PTCSC3: variants seen among roughly 807,000 people sequenced by gnomAD.
PTCSC3 encodes the protein papillary thyroid carcinoma susceptibility candidate 3 (non-protein coding).
intron 3 of PTCSC3, among the ~76,000 whole-genome samples, chr14:36,146,863 G>T (rs1881586132): frequency 1.3e-5 from 2 of 152,106 alleles, no homozygotes; most frequent in Admixed American, 6.5e-5. Context: ...GCCTGGTGGT[G>T]ACAAAATCTC....
At chr14:36,151,395 C>T (rs1881720614) in intron 3 of PTCSC3, among the ~76,000 whole-genome samples, 1 of 151,908 alleles carries the variant, frequency 6.6e-6, no homozygotes, top group Admixed American at 6.6e-5. Context: ...ATTCTCTGAG[C>T]TTTCTCGATC....
At chr14:36,148,275 T>G (rs1240163296) in intron 3 of PTCSC3, among the ~76,000 whole-genome samples, 1 of 152,162 alleles carries the variant, frequency 6.6e-6, no homozygotes, top group Non-Finnish European at 1.5e-5. Context: ...GCTGCCGCCT[T>G]GCAGTTTGAT....
chr14:36,135,632 G>T (rs1356222637), downstream of PTCSC3, among the ~76,000 whole-genome samples: 1 of 152,150 alleles, frequency 6.6e-6, no homozygotes, highest in Non-Finnish European at 1.5e-5. Context: ...TGCTGTATGT[G>T]TCATAAGCTT....
chr14:36,175,335 G>A (rs1415040253), intron 1 of PTCSC3, among the ~76,000 whole-genome samples: 3 of 152,122 alleles, frequency 2.0e-5, no homozygotes, highest in Non-Finnish European at 4.4e-5. Flanking sequence ...GAAATCGGAT[G>A]CTTCACATAT....
chr14:36,152,661 G>A (rs912993246), intron 3 of PTCSC3, among the ~76,000 whole-genome samples: 1 of 152,134 alleles, frequency 6.6e-6, no homozygotes, highest in African/African-American at 2.4e-5. Context: ...GGGAGGTCGA[G>A]GCAGGCAGAT....
At chr14:36,165,116 C>T (rs1445427496) in intron 1 of PTCSC3, 1 of 152,056 alleles carries the variant, frequency 6.6e-6, no homozygotes, top group Non-Finnish European at 1.5e-5. Context: ...CTCCAGGATC[C>T]CATCATTCTC....
At chr14:36,146,583 T>C (rs1458352909) in intron 3 of PTCSC3, among the ~76,000 whole-genome samples, 1 of 152,232 alleles carries the variant, frequency 6.6e-6, no homozygotes, top group Admixed American at 6.5e-5. Flanking sequence ...GTTTCCTGAA[T>C]ACAGCACACT....
chr14:36,166,857 T>C (rs1383716497), intron 1 of PTCSC3, among the ~76,000 whole-genome samples: 1 of 152,244 alleles, frequency 6.6e-6, no homozygotes, highest in Non-Finnish European at 1.5e-5. Flanking sequence ...ACTCTAAATA[T>C]AGTTGGCCTG....
intron 3 of PTCSC3, among the ~76,000 whole-genome samples, chr14:36,150,887 T>C (rs1357440049): frequency 6.6e-6 from 1 of 152,198 alleles, no homozygotes; most frequent in Non-Finnish European, 1.5e-5. Context: ...GTTGATATTA[T>C]TTTGAACAAA....
At chr14:36,135,302 T>C (rs1881260985), downstream of PTCSC3, among the ~76,000 whole-genome samples, 1 of 152,188 alleles carries the variant, frequency 6.6e-6, no homozygotes, top group Non-Finnish European at 1.5e-5. Flanking sequence ...TGTGTTTTCA[T>C]GGTTAATTTA....
chr14:36,151,983 A>G (rs1187491118), intron 3 of PTCSC3, among the ~76,000 whole-genome samples: 1 of 152,204 alleles, frequency 6.6e-6, no homozygotes, highest in Non-Finnish European at 1.5e-5. Context: ...TGTGATTTGT[A>G]ACTGCAATGC....
chr14:36,142,807 CT>C (rs1881456848), intron 3 of PTCSC3, among the ~76,000 whole-genome samples: 1 of 117,262 alleles, frequency 8.5e-6, no homozygotes, highest in Non-Finnish European at 1.7e-5. Flanking sequence ...TCCCTCCCCC[CT>C]CCCCCCACCC....
Position 36,175,177 on chromosome 14 carries a change from A to G in PTCSC3, n.171+1121T>C, listed in dbSNP as rs533847351. Among the ~76,000 whole-genome samples the G allele has an allele frequency of 5.1e-4, 78 of 152,228 alleles. 1 individual carries two copies. The South Asian group carries it at 0.012, about 23-fold the overall frequency. ...ATGTCTGCCTCCCCAGCTCAACAGGACTGCCATGCTCTGCTCAGACTCCAG... is the reference window on the plus strand; with the variant it reads ...ATGTCTGCCTCCCCAGCTCAACAGGGCTGCCATGCTCTGCTCAGACTCCAG... On this transcript the variant is annotated intron_variant and non_coding_transcript_variant, in intron 1 of 3. Coordinates refer to ENST00000556013, the Ensembl canonical transcript of PTCSC3.
intron 1 of PTCSC3, among the ~76,000 whole-genome samples, chr14:36,174,039 C>T (rs1882237424): frequency 1.3e-5 from 2 of 151,836 alleles, no homozygotes; most frequent in Admixed American, 6.6e-5. Flanking sequence ...TGGTTTTCAG[C>T]AGTTTAGCTC....
At chr14:36,156,641 C>T (rs528571791) in intron 2 of PTCSC3, among the ~76,000 whole-genome samples, 45 of 152,220 alleles carry the variant, frequency 3.0e-4, no homozygotes, top group Middle Eastern at 6.8e-3. Context: ...TCAGCTCCCA[C>T]TTATGAGTGG....
chr14:36,153,157 T>C (rs761483268), intron 3 of PTCSC3, among the ~76,000 whole-genome samples: 4 of 152,174 alleles, frequency 2.6e-5, no homozygotes, highest in Non-Finnish European at 5.9e-5. Flanking sequence ...TATCCTCACA[T>C]GACAGAGAGA....
At chr14:36,145,134 G>A (rs1444106516) in intron 3 of PTCSC3, among the ~76,000 whole-genome samples, 1 of 138,010 alleles carries the variant, frequency 7.2e-6, no homozygotes, top group Admixed American at 7.1e-5. Flanking sequence ...TTTTTGTTGT[G>A]TCTCTGCCTG....
chr14:36,137,272 C>T (rs1360987128), intron 3 of PTCSC3, among the ~76,000 whole-genome samples: 1 of 151,988 alleles, frequency 6.6e-6, no homozygotes, highest in Non-Finnish European at 1.5e-5. Context: ...AACAACGAGG[C>T]CAGTGTGGCT....
At chr14:36,175,671 C>T (rs1399830492) in intron 1 of PTCSC3, among the ~76,000 whole-genome samples, 1 of 152,182 alleles carries the variant, frequency 6.6e-6, no homozygotes, top group Non-Finnish European at 1.5e-5. Context: ...AGAACCCACT[C>T]CTTAGAGTTA....
Sources: allele counts gnomAD v4.1 joint callset (sites outside exome capture counted in the v4.1 genomes callset), GRCh38; gene constraint gnomAD v4.1.1; transcripts MANE v1.5; gene names NCBI Gene and HGNC (gene_info 2026-07-23, HGNC 2026-07-21).